Variants in DGKB observed in about 807,000 individuals in gnomAD.
The protein encoded by DGKB is diacylglycerol kinase beta.
A neutral mutation model predicts 114.3 loss-of-function variants in DGKB; 67 were observed. The observed-to-expected ratio is 0.59, with a 90% CI of 0.48 to 0.72. The LOEUF (loss-of-function observed/expected upper bound fraction) is 0.72. DGKB is among the 30% of genes least tolerant of loss of function. The probability of loss-of-function intolerance (pLI) is 0.00; values close to 1 mark genes in which losing one functional copy is unlikely to be tolerated. For missense variants in DGKB, 907 were observed against 975.2 expected, an observed-to-expected ratio of 0.93 and a Z score of 0.93; for synonymous variants, 398 against 323.1, an observed-to-expected ratio of 1.23 and a Z score of -2.49.
chr7:14,785,785 C>T (rs1431119418), intron 2 of DGKB, among the ~76,000 whole-genome samples: 1 of 152,062 alleles, frequency 6.6e-6, no homozygotes, highest in Non-Finnish European at 1.5e-5. Flanking sequence ...TTCTGAAACA[C>T]CACGTGAAAT....
chr7:14,721,375 T>A (rs781462872), intron 5 of DGKB, among the ~76,000 whole-genome samples: 2 of 152,190 alleles, frequency 1.3e-5, no homozygotes, highest in Non-Finnish European at 2.9e-5. Flanking sequence ...CACATATAAT[T>A]TGTATTTAGC....
chr7:14,728,871 T>A (rs189851024), intron 5 of DGKB, among the ~76,000 whole-genome samples: 11 of 151,756 alleles, frequency 7.2e-5, no homozygotes, highest in African/African-American at 2.4e-4. Context: ...CCCAGCTGAT[T>A]TTTGTATTTT....
intron 23 of DGKB, among the ~76,000 whole-genome samples, chr7:14,236,801 A>G (rs1792858861): frequency 6.6e-6 from 1 of 151,982 alleles, no homozygotes; most frequent in African/African-American, 2.4e-5. Flanking sequence ...ACATCTCACA[A>G]GAATTGAAAA....
chr7:14,726,341 T>C (rs766414060), intron 5 of DGKB, among the ~76,000 whole-genome samples: 3 of 152,034 alleles, frequency 2.0e-5, no homozygotes, highest in Non-Finnish European at 4.4e-5. Context: ...GGTTTTTTTA[T>C]GTTGGCCAGG....
chr7:14,769,123 A>AAGAAAG (rs1165314403), intron 2 of DGKB, among the ~76,000 whole-genome samples: 27 of 89,142 alleles, frequency 3.0e-4, no homozygotes, highest in East Asian at 7.7e-4. Flanking sequence ...GAAAGAAAGA[A>AAGAAAG]AGAGAGAGAG....
intron 1 of DGKB, among the ~76,000 whole-genome samples, chr7:14,952,196 C>T (rs981788847): frequency 2.0e-5 from 3 of 151,932 alleles, no homozygotes; most frequent in Non-Finnish European, 4.4e-5. Context: ...GGGAGAGAGA[C>T]CTGGAACAGA....
At chr7:14,880,747 T>C (rs1460288169) in intron 1 of DGKB, among the ~76,000 whole-genome samples, 1 of 152,184 alleles carries the variant, frequency 6.6e-6, no homozygotes, top group Non-Finnish European at 1.5e-5. Context: ...ACGACGTCTC[T>C]AGGAGCCTCA....
At chr7:14,692,395 T>C (rs546258316) in intron 9 of DGKB, among the ~76,000 whole-genome samples, 9 of 152,126 alleles carry the variant, frequency 5.9e-5, no homozygotes, top group Middle Eastern at 3.4e-3. Flanking sequence ...GGAATCATTA[T>C]TATTGGAATT....
intron 4 of DGKB, among the ~76,000 whole-genome samples, chr7:14,747,884 T>G (rs1224039523): frequency 2.0e-5 from 3 of 152,060 alleles, no homozygotes; most frequent in African/African-American, 7.3e-5. Context: ...AACAGAGAAT[T>G]TGTAAAGAAG....
intron 2 of DGKB, among the ~76,000 whole-genome samples, chr7:14,775,807 A>T (rs60119637): frequency 0.042 from 6,450 of 152,072 alleles, 199 homozygotes; most frequent in Admixed American, 0.1. Context: ...TGTTTCTATT[A>T]GTAGTGTGAG....
At chr7:14,592,860 T>C (rs558239278) in intron 17 of DGKB, among the ~76,000 whole-genome samples, 2 of 152,044 alleles carry the variant, frequency 1.3e-5, no homozygotes, top group South Asian at 2.1e-4. Flanking sequence ...TCCAATCTAA[T>C]ATCTTATGTA....
At chr7:14,524,173 C>T (rs1207181577) in intron 20 of DGKB, among the ~76,000 whole-genome samples, 2 of 151,954 alleles carry the variant, frequency 1.3e-5, no homozygotes, top group Non-Finnish European at 2.9e-5. Context: ...GAATATAAGA[C>T]ATATTTCATA....
At position 14,341,991 on chromosome 7, in the gene DGKB, T is replaced by A. The variant is rs1399009024; in HGVS notation, c.1927-3281A>T. On this transcript the variant is annotated intron_variant, in intron 22 of 25. Coordinates refer to ENST00000402815, the MANE Select transcript of DGKB (RefSeq NM_001350709.2). ...TTTTACTCAATGAAACGTAAAACAT[T>A]ACTTTATAGGTAATTTCAGTATTAG... Among the ~76,000 whole-genome samples the A allele has an allele frequency of 2.0e-5, 3 of 151,882 alleles. No individual in the cohort carries two copies. In the Admixed American group the frequency reaches 2.0e-4, roughly 10 times the overall value.
chr7:14,325,264 T>C (rs970531674), intron 23 of DGKB, among the ~76,000 whole-genome samples: 6 of 152,148 alleles, frequency 3.9e-5, no homozygotes, highest in Non-Finnish European at 8.8e-5. Context: ...TGATGTGGTC[T>C]CTGTTGCTAG....
intron 1 of DGKB, among the ~76,000 whole-genome samples, chr7:14,970,909 G>C (rs1193852257): frequency 6.6e-6 from 1 of 152,132 alleles, no homozygotes; most frequent in Non-Finnish European, 1.5e-5. Context: ...CAGATACCAG[G>C]GAAATAAGGT....
At chr7:14,589,488 C>G (rs113126619) in intron 17 of DGKB, among the ~76,000 whole-genome samples, 26 of 151,946 alleles carry the variant, frequency 1.7e-4, no homozygotes, top group African/African-American at 6.0e-4. Flanking sequence ...CTTTTGGAAT[C>G]TGCCCATTTA....
At chr7:14,913,188 C>T (rs994914885) in intron 1 of DGKB, among the ~76,000 whole-genome samples, 14 of 151,878 alleles carry the variant, frequency 9.2e-5, no homozygotes, top group African/African-American at 3.1e-4. Flanking sequence ...AGATTGATGG[C>T]GATGTGACCT....
intron 2 of DGKB, among the ~76,000 whole-genome samples, chr7:14,806,437 C>T (rs1022294802): frequency 6.6e-6 from 1 of 151,952 alleles, no homozygotes; most frequent in African/African-American, 2.4e-5. Flanking sequence ...TAATACCTAG[C>T]TCTTTACTGC....
chr7:14,207,134 T>C (rs79924553), intron 23 of DGKB, among the ~76,000 whole-genome samples: 4,657 of 152,072 alleles, frequency 0.031, 243 homozygotes, highest in African/African-American at 0.11. Flanking sequence ...AACCCTGCCT[T>C]TAGAGGGCTA....
Sources: allele counts gnomAD v4.1 joint callset (sites outside exome capture counted in the v4.1 genomes callset), GRCh38; gene constraint gnomAD v4.1.1; transcripts MANE v1.5; gene names NCBI Gene and HGNC (gene_info 2026-07-23, HGNC 2026-07-21).